RNF214: variants seen among roughly 807,000 people sequenced by gnomAD.
RNF214 encodes ring finger protein 214.
RNF214 carries 25 observed loss-of-function variants against 75.9 expected under a neutral mutation model. The ratio of observed to expected loss-of-function variants is 0.33; its 90% CI spans 0.24 to 0.46. RNF214 has a LOEUF of 0.46. Among genes scored for constraint, RNF214 ranks in the 20% least tolerant of loss-of-function variants. The pLI, the probability that RNF214 is intolerant of heterozygous loss-of-function variation, is 1.00. For missense variants in RNF214, 725 were observed against 857.5 expected (o/e 0.85, Z 1.93); for synonymous variants, 314 against 308.8 (o/e 1.02, Z -0.18).
intron 5 of RNF214, among the ~76,000 whole-genome samples, chr11:117,246,355 T>G (rs1188661573): frequency 6.6e-6 from 1 of 152,040 alleles, no homozygotes; most frequent in Admixed American, 6.6e-5. Context: ...ATGTATGTAT[T>G]TGTTGTTGTT....
chr11:117,243,498 T>G lies in RNF214; in HGVS notation c.679-947T>G, dbSNP rs895520247. On this transcript the variant is annotated intron_variant, in intron 4 of 14. Transcript: ENST00000300650. ...AATAGGATATTTTCCTCATTTGTTT[T>G]AAAAATTTTTTTTCTTTGAAAATGG... Among the ~76,000 whole-genome samples, 3 of 152,214 alleles carry G rather than the reference T, an allele frequency of 2.0e-5. No homozygotes were observed. In the East Asian group the frequency reaches 5.8e-4, roughly 29 times the overall value.
Position 117,282,274 on chromosome 11 carries a change from A to C in RNF214, c.1712+4A>C, listed in dbSNP as rs764132834. On this transcript the variant is annotated splice_donor_region_variant and intron_variant, in intron 11 of 14. Coordinates refer to ENST00000300650, the MANE Select transcript of RNF214 (RefSeq NM_207343.4). ...CCCGGTTCCCACAGTGCAATAAGTA[A>C]GTACCTTCAAGGACTGATTCAGATG... The C allele has an allele frequency of 6.3e-7, 1 of 1,585,588 alleles. No homozygotes were observed. Among genetic ancestry groups the C allele is most frequent in the Non-Finnish European group, 8.6e-7 (1 of 1,164,988 alleles).
rs917143990 is a variant in RNF214, at chr11:117,286,404, G to C, written c.*1253G>C. On this transcript the variant is annotated 3_prime_UTR_variant, in exon 15 of 15. Transcript: ENST00000300650. ...CTATCCTTTTATCTTTACTCCTACAGGGAATGGCCTCAGCTCCCTTCTCTT... is the reference window on the plus strand; with the variant it reads ...CTATCCTTTTATCTTTACTCCTACACGGAATGGCCTCAGCTCCCTTCTCTT... 6.6e-6 allele frequency: 1 copy of C among 152,120 alleles called. No homozygotes were observed. The highest frequency in any genetic ancestry group is 1.5e-5 in the Non-Finnish European group (1 of 68,002). 9.4% of individuals were successfully genotyped at this position (152,120 alleles called of 1,614,324 possible).
chr11:117,264,973 C>T (rs1361579039), intron 6 of RNF214, among the ~76,000 whole-genome samples: 1 of 151,280 alleles, frequency 6.6e-6, no homozygotes, highest in Non-Finnish European at 1.5e-5. Flanking sequence ...GAGGCTGAGG[C>T]AGGAGAATTG....
At chr11:117,269,023 A>C (rs1035033775) in intron 6 of RNF214, among the ~76,000 whole-genome samples, 2 of 152,232 alleles carry the variant, frequency 1.3e-5, no homozygotes, top group African/African-American at 4.8e-5. Context: ...TGATAACCCA[A>C]TAAAGTCCAG....
At chr11:117,272,321 G>A (rs1016805071) in intron 6 of RNF214, among the ~76,000 whole-genome samples, 1 of 152,154 alleles carries the variant, frequency 6.6e-6, no homozygotes, top group African/African-American at 2.4e-5. Flanking sequence ...TATGGTTTAA[G>A]GGGTGGCTTT....
In RNF214 at chr11:117,236,909, T is replaced by C. The variant is rs192956703; in HGVS notation, c.108-1692T>C. Among the ~76,000 whole-genome samples, 6 of 152,312 alleles carry C rather than the reference T, an allele frequency of 3.9e-5. No individual in the cohort carries two copies. In the East Asian group the frequency reaches 1.2e-3, roughly 29 times the overall value. ...CATGTAATCCTCACAACAGTCTTGT[T>C]AGGTGGATAGTATTATTTCTGTTTT... On this transcript the variant is annotated intron_variant, in intron 2 of 14. Transcript: ENST00000300650.
At chr11:117,264,821 T>C (rs1263884825) in intron 6 of RNF214, among the ~76,000 whole-genome samples, 2 of 152,040 alleles carry the variant, frequency 1.3e-5, no homozygotes, top group African/African-American at 4.8e-5. Context: ...CTCAGCACTT[T>C]GGGAAGCCAA....
At chr11:117,256,637 G>A (rs1414204026) in intron 6 of RNF214, among the ~76,000 whole-genome samples, 1 of 152,140 alleles carries the variant, frequency 6.6e-6, no homozygotes, top group Non-Finnish European at 1.5e-5. Flanking sequence ...TTCTTACATG[G>A]TAGCCCAGAG....
intron 6 of RNF214, among the ~76,000 whole-genome samples, chr11:117,260,200 C>T: frequency 6.6e-6 from 1 of 152,032 alleles, no homozygotes; most frequent in Non-Finnish European, 1.5e-5. Flanking sequence ...GCAGTCATAG[C>T]TCACTGTAGC....
At chr11:117,249,448 A>T (rs1006083672) in intron 6 of RNF214, among the ~76,000 whole-genome samples, 1 of 152,100 alleles carries the variant, frequency 6.6e-6, no homozygotes, top group African/African-American at 2.4e-5. Context: ...TTTCTGTTAA[A>T]TGTGGGGTTC....
chr11:117,271,360 T>C (rs2033906491), intron 6 of RNF214, among the ~76,000 whole-genome samples: 1 of 152,228 alleles, frequency 6.6e-6, no homozygotes, highest in Admixed American at 6.5e-5. Flanking sequence ...CAATGCCAGC[T>C]CTGTTTGCAT....
At chr11:117,275,202 T>A (rs644215) in intron 6 of RNF214, among the ~76,000 whole-genome samples, 107,314 of 152,088 alleles carry the variant, frequency 0.71, 39,130 homozygotes, top group East Asian at 0.95. Flanking sequence ...TAAAATTTTT[T>A]AAAAATGATT....
chr11:117,256,116 C>T (rs561855364), intron 6 of RNF214, among the ~76,000 whole-genome samples: 106 of 152,132 alleles, frequency 7.0e-4, no homozygotes, highest in Non-Finnish European at 1.1e-3. Context: ...AAAGCTTTCC[C>T]AGACACTCTC....
chr11:117,255,717 G>A (rs2033505147), intron 6 of RNF214, among the ~76,000 whole-genome samples: 1 of 152,002 alleles, frequency 6.6e-6, no homozygotes, highest in African/African-American at 2.4e-5. Flanking sequence ...CCAGCCTCTT[G>A]TATATTCTTA....
chr11:117,257,746 G>C (rs1042825399), intron 6 of RNF214, among the ~76,000 whole-genome samples: 8 of 152,182 alleles, frequency 5.3e-5, no homozygotes, highest in Non-Finnish European at 1.2e-4. Flanking sequence ...GTTTAGAATA[G>C]TAGTATGCAT....
At chr11:117,248,827 A>G (rs1158951434) in intron 6 of RNF214, among the ~76,000 whole-genome samples, 1 of 152,260 alleles carries the variant, frequency 6.6e-6, no homozygotes, top group Non-Finnish European at 1.5e-5. Flanking sequence ...ATAGGCATGT[A>G]GCAACTTAAC....
chr11:117,282,300 T>A lies in RNF214; in HGVS notation c.1712+30T>A, dbSNP rs973397110. On this transcript the variant is annotated intron_variant, in intron 11 of 14. Transcript: ENST00000300650. ...GTACCTTCAAGGACTGATTCAGATG[T>A]CTCTATCAGAGAAATGCTTATGGGT... 2.5e-6 allele frequency: 4 copies of A among 1,579,032 alleles called. No homozygotes were observed. In the Admixed American group the frequency reaches 5.3e-5, roughly 21 times the overall value.
intron 6 of RNF214, among the ~76,000 whole-genome samples, chr11:117,267,091 A>G (rs1414003746): frequency 6.6e-6 from 1 of 151,840 alleles, no homozygotes; most frequent in Admixed American, 6.6e-5. Context: ...GTGCTCTCAT[A>G]TCAGCCTCCA....
Sources: allele counts gnomAD v4.1 joint callset (sites outside exome capture counted in the v4.1 genomes callset), GRCh38; gene constraint gnomAD v4.1.1; transcripts MANE v1.5; gene names NCBI Gene and HGNC (gene_info 2026-07-23, HGNC 2026-07-21).